Variants in DCC observed in about 807,000 individuals in gnomAD.
The protein encoded by DCC is netrin receptor DCC.
In DCC, 58 loss-of-function variants were observed where a neutral mutation model predicts 172.5. That is an observed-to-expected ratio of 0.34 (90% confidence interval 0.27 to 0.42). The LOEUF is 0.42. Among genes scored for constraint, DCC ranks in the 10% least tolerant of loss-of-function variants. DCC has a pLI of 1.00. For missense variants in DCC, 1,740 were observed against 1,791.0 expected (o/e 0.97, Z 0.51); for synonymous variants, 709 against 644.5 (o/e 1.10, Z -1.52).
intron 22 of DCC, among the ~76,000 whole-genome samples, chr18:53,449,503 T>C (rs9948611): frequency 0.23 from 35,041 of 152,106 alleles, 4,625 homozygotes; most frequent in East Asian, 0.4. Flanking sequence ...TTAGGTGGGA[T>C]TCATACACCT....
intron 1 of DCC, among the ~76,000 whole-genome samples, chr18:52,636,486 T>C (rs753620587): frequency 1.3e-5 from 2 of 152,222 alleles, no homozygotes; most frequent in Non-Finnish European, 2.9e-5. Flanking sequence ...CTGGGGGCTG[T>C]TGGGGCAGAC....
At chr18:52,838,091 A>T (rs552387193) in intron 2 of DCC, among the ~76,000 whole-genome samples, 1 of 152,192 alleles carries the variant, frequency 6.6e-6, no homozygotes, top group Non-Finnish European at 1.5e-5. Context: ...CACATGACAC[A>T]TGGGGATTCA....
At position 53,531,881 on chromosome 18, in the gene DCC, A is replaced by G. The variant is rs992052997; in HGVS notation, c.*1228A>G. 4 of 152,242 alleles carry G rather than the reference A, an allele frequency of 2.6e-5. No homozygotes were observed. The highest frequency in any genetic ancestry group is 9.6e-5 in the African/African-American group (4 of 41,462). The allele number at this position is 152,242 out of a possible 1,614,324, so 9.4% of individuals were successfully genotyped here. The stretch of plus-strand genomic sequence containing the variant: ...GCAGGTGCCACCTGACACTTCCGAC[A>G]TGTAAATCCAGCAGATACTTTTCAA... On this transcript the variant is annotated 3_prime_UTR_variant, in exon 29 of 29. Coordinates refer to ENST00000442544, the MANE Select transcript of DCC (RefSeq NM_005215.4).
intron 2 of DCC, among the ~76,000 whole-genome samples, chr18:52,896,679 T>C (rs2039736011): frequency 6.6e-6 from 1 of 152,176 alleles, no homozygotes; most frequent in Non-Finnish European, 1.5e-5. Context: ...AAATGCTACC[T>C]AGAACAATGC....
At chr18:52,432,454 A>C (rs1324605302) in intron 1 of DCC, among the ~76,000 whole-genome samples, 1 of 152,110 alleles carries the variant, frequency 6.6e-6, no homozygotes, top group Non-Finnish European at 1.5e-5. Flanking sequence ...TGCTTCTCAC[A>C]TCTAATTTTT....
At chr18:52,562,731 T>C (rs1344329282) in intron 1 of DCC, among the ~76,000 whole-genome samples, 1 of 152,180 alleles carries the variant, frequency 6.6e-6, no homozygotes, top group East Asian at 1.9e-4. Flanking sequence ...GAGCTTTATG[T>C]CTATCTGAAC....
chr18:52,766,566 G>A (rs1007904622), intron 2 of DCC, among the ~76,000 whole-genome samples: 13 of 151,994 alleles, frequency 8.6e-5, no homozygotes, highest in African/African-American at 3.1e-4. Flanking sequence ...CAGTGTGGGG[G>A]AAGGGTAGGT....
At chr18:53,477,269 A>C (rs1054919029) in intron 25 of DCC, among the ~76,000 whole-genome samples, 1 of 152,200 alleles carries the variant, frequency 6.6e-6, no homozygotes, top group African/African-American at 2.4e-5. Context: ...TCTGCCTCCC[A>C]AAGTGTTGGG....
Position 53,241,990 on chromosome 18 carries a change from C to T in DCC, c.1911+26393C>T, listed in dbSNP as rs568782683. Among the ~76,000 whole-genome samples the T allele has an allele frequency of 9.9e-4, 150 of 152,242 alleles. 1 individual carries two copies. The highest frequency in any genetic ancestry group is 3.5e-3 in the African/African-American group (145 of 41,542). On this transcript the variant is annotated intron_variant, in intron 12 of 28. Coordinates refer to ENST00000442544, the MANE Select transcript of DCC (RefSeq NM_005215.4). ...ATGACATGATTTTATATTTAGAAAA[C>T]CCCATAGTCTCAGCTCAAAATCTCC... is the stretch of plus-strand genomic sequence containing the variant.
chr18:52,970,359 T>C (rs1056317412), intron 5 of DCC, among the ~76,000 whole-genome samples: 3 of 152,156 alleles, frequency 2.0e-5, no homozygotes, highest in African/African-American at 4.8e-5. Flanking sequence ...TTATCTGTTA[T>C]AATCATTTTG....
At chr18:53,123,852 A>G (rs1027594096) in intron 7 of DCC, among the ~76,000 whole-genome samples, 1 of 151,964 alleles carries the variant, frequency 6.6e-6, no homozygotes, top group African/African-American at 2.4e-5. Flanking sequence ...CTCATCTTCC[A>G]GTTCTTTCTT....
intron 12 of DCC, among the ~76,000 whole-genome samples, chr18:53,288,999 C>A (rs1305316897): frequency 6.6e-6 from 1 of 152,034 alleles, no homozygotes; most frequent in Non-Finnish European, 1.5e-5. Flanking sequence ...ATACTAGGAC[C>A]ATTATATAGG....
intron 8 of DCC, among the ~76,000 whole-genome samples, chr18:53,161,761 C>A (rs1330963112): frequency 2.0e-5 from 3 of 152,102 alleles, no homozygotes; most frequent in African/African-American, 7.2e-5. Flanking sequence ...TGAAATAATT[C>A]ATAGCTCGTA....
intron 2 of DCC, among the ~76,000 whole-genome samples, chr18:52,834,895 T>G (rs2038678340): frequency 6.8e-6 from 1 of 145,996 alleles, no homozygotes; most frequent in South Asian, 2.3e-4. Flanking sequence ...TGTGTTTATG[T>G]GTGTGCATAC....
intron 1 of DCC, among the ~76,000 whole-genome samples, chr18:52,653,020 C>A (rs2035173023): frequency 6.6e-6 from 1 of 152,032 alleles, no homozygotes; most frequent in African/African-American, 2.4e-5. Flanking sequence ...CTTTTTTCCC[C>A]ATATTTTACT....
At chr18:52,568,946 A>C (rs182621186) in intron 1 of DCC, among the ~76,000 whole-genome samples, 219 of 152,338 alleles carry the variant, frequency 1.4e-3, no homozygotes, top group African/African-American at 5.0e-3. Flanking sequence ...TGATTTAAAA[A>C]TATATTTGTT....
chr18:53,060,032 C>T lies in DCC; in HGVS notation c.986-3273C>T, dbSNP rs941349731. Among the ~76,000 whole-genome samples, 8 of 151,824 alleles carry T rather than the reference C, an allele frequency of 5.3e-5. No individual in the cohort carries two copies. The South Asian group carries it at 1.2e-3, about 24-fold the overall frequency. ...TCATTTTTTTTTTTTAAGACAGAGC[C>T]TTGCTCTGTCACCCAGGCTGGAGAG... On this transcript the variant is annotated intron_variant, in intron 5 of 28. Transcript: ENST00000442544.
intron 1 of DCC, among the ~76,000 whole-genome samples, chr18:52,647,855 AG>A (rs1192771180): frequency 6.6e-6 from 1 of 152,142 alleles, no homozygotes; most frequent in Non-Finnish European, 1.5e-5. Context: ...GAATCTGGGG[AG>A]TAGAGTGTGT....
intron 12 of DCC, among the ~76,000 whole-genome samples, chr18:53,241,695 A>G (rs1283813175): frequency 2.6e-5 from 4 of 152,178 alleles, no homozygotes; most frequent in Non-Finnish European, 5.9e-5. Flanking sequence ...AGATGTGCAT[A>G]AGAGCATGGC....
Sources: allele counts gnomAD v4.1 joint callset (sites outside exome capture counted in the v4.1 genomes callset), GRCh38; gene constraint gnomAD v4.1.1; transcripts MANE v1.5; gene names NCBI Gene and HGNC (gene_info 2026-07-23, HGNC 2026-07-21).